The following CELSR1 variants were observed in gnomAD, a reference collection of about 807,000 sequenced individuals.
CELSR1 encodes the protein adhesion G protein-coupled receptor C1.
A neutral mutation model predicts 249.1 loss-of-function variants in CELSR1; 110 were observed. The observed-to-expected ratio is 0.44, with a 90% CI of 0.38 to 0.52. The LOEUF (loss-of-function observed/expected upper bound fraction) is 0.52, where lower values mean the gene tolerates loss of function less well. Among genes scored for constraint, CELSR1 ranks in the 20% least tolerant of loss-of-function variants. The probability of loss-of-function intolerance (pLI) is 0.00; values close to 1 mark genes in which losing one functional copy is unlikely to be tolerated. For missense variants in CELSR1, 4,109 were observed against 4,296.4 expected, an observed-to-expected ratio of 0.96 and a Z score of 1.22; for synonymous variants, 2,113 against 1,900.0, an observed-to-expected ratio of 1.11 and a Z score of -2.92.
At position 46,380,734 on chromosome 22, in the gene CELSR1, G is replaced by A; in HGVS notation, c.7256+54C>T. Reference sequence around the variant, plus strand: ...CTGCCACTGAGCCCCCGACCCTGCGGGGGCACTCTGCCTTGGCAAAGCCCT... The same window carrying A: ...CTGCCACTGAGCCCCCGACCCTGCGAGGGCACTCTGCCTTGGCAAAGCCCT... On this transcript the variant is annotated intron_variant, in intron 22 of 34. Coordinates refer to ENST00000674500, the MANE Select transcript of CELSR1 (RefSeq NM_001378328.1). The surrounding 1 kb of genome is among the most constrained non-coding windows in gnomAD (Gnocchi z 5.1). 6.3e-7 allele frequency: 1 copy of A among 1,590,050 alleles called. No individual in the cohort carries two copies. Among genetic ancestry groups the A allele is most frequent in the Non-Finnish European group, 8.6e-7 (1 of 1,166,888 alleles).
intron 9 of CELSR1, among the ~76,000 whole-genome samples, chr22:46,405,459 C>CAAAA (rs869105580): frequency 2.4e-5 from 2 of 84,842 alleles, no homozygotes; most frequent in Non-Finnish European, 5.5e-5. Context: ...GACTCCGTCT[C>CAAAA]AAAAAAAAAA....
At chr22:46,496,248 A>C (rs541799203) in intron 1 of CELSR1, among the ~76,000 whole-genome samples, 1 of 151,368 alleles carries the variant, frequency 6.6e-6, no homozygotes, top group African/African-American at 2.4e-5. Flanking sequence ...ACTTAGCTTA[A>C]AACACACATT....
chr22:46,435,873 G>A (rs1243719145), intron 4 of CELSR1, among the ~76,000 whole-genome samples: 1 of 151,796 alleles, frequency 6.6e-6, no homozygotes, highest in African/African-American at 2.4e-5. Flanking sequence ...GCTAATTTTT[G>A]TACTTTTAGT....
intron 5 of CELSR1, among the ~76,000 whole-genome samples, chr22:46,418,290 G>A (rs966806232): frequency 6.6e-6 from 1 of 152,140 alleles, no homozygotes; most frequent in African/African-American, 2.4e-5. Flanking sequence ...CGACCAGCCT[G>A]GCCAACAAGG....
chr22:46,494,031 A>G (rs771832987), intron 1 of CELSR1, among the ~76,000 whole-genome samples: 11 of 152,194 alleles, frequency 7.2e-5, no homozygotes, highest in Non-Finnish European at 1.2e-4. Flanking sequence ...TAAGAATGAA[A>G]CAGATTCAGA....
chr22:46,524,950 C>G (rs570263698), intron 1 of CELSR1, among the ~76,000 whole-genome samples: 1 of 152,236 alleles, frequency 6.6e-6, no homozygotes, highest in East Asian at 1.9e-4. Context: ...CTCACCCCTC[C>G]GAGGGTCCCC....
At chr22:46,432,215 G>A (rs192712796) in intron 5 of CELSR1, among the ~76,000 whole-genome samples, 431 of 152,342 alleles carry the variant, frequency 2.8e-3, no homozygotes, top group African/African-American at 0.01. Flanking sequence ...CAGGGAGGTG[G>A]AGGGACGCCG....
At position 46,380,886 on chromosome 22, in the gene CELSR1, G is replaced by A; in HGVS notation, c.7158C>T (p.Leu2386=). Residue 2386 remains leucine, a synonymous_variant, in exon 22 of 35, where the codon CTC becomes CTT. Coordinates refer to ENST00000674500, the MANE Select transcript of CELSR1 (RefSeq NM_001378328.1). This position sits in a 1 kb window ranked among gnomAD's most constrained non-coding sequence, Gnocchi z 5.1. ...STLVYSEGAP[L]PRPLERPVLV... is the part of the protein sequence containing the mutation. ...GGACGGGCCTCTCCAGGGGTCTCGG[G>A]AGCGGAGCCCCCTCGCTGTACACCA... The A allele has an allele frequency of 1.2e-6, 2 of 1,613,370 alleles. No homozygotes were observed. Among genetic ancestry groups the A allele is most frequent in the East Asian group, 2.2e-5 (1 of 44,884 alleles).
chr22:46,528,065 T>G (rs978577796), intron 1 of CELSR1, among the ~76,000 whole-genome samples: 2 of 142,912 alleles, frequency 1.4e-5, no homozygotes, highest in African/African-American at 2.7e-5. Context: ...ATCATGCCAT[T>G]GCACTCCAGC....
Position 46,369,749 on chromosome 22 carries a change from C to A in CELSR1, c.7815G>T (p.Leu2605=), listed in dbSNP as rs933511978. Residue 2605 remains leucine, a synonymous_variant, in exon 26 of 35, where the codon CTG becomes CTT. Coordinates refer to ENST00000674500, the MANE Select transcript of CELSR1 (RefSeq NM_001378328.1). ...TCCAAATCAGGGTGTCTTGAAGCGA[C>A]AGCCAGCAGAAGTCGGGGTTCCCGT... ...QGYGNPDFCW[L]SLQDTLIWSF... 6.2e-7 allele frequency: 1 copy of A among 1,613,298 alleles called. No individual in the cohort carries two copies. Among genetic ancestry groups the A allele is most frequent in the Non-Finnish European group, 8.5e-7 (1 of 1,179,994 alleles).
chr22:46,369,529 A>T (rs2078827104), intron 26 of CELSR1, among the ~76,000 whole-genome samples, 163 bp downstream of exon 26: 1 of 152,206 alleles, frequency 6.6e-6, no homozygotes. Context: ...TCAGAGGGTG[A>T]GGTCCGGGAG....
intron 2 of CELSR1, among the ~76,000 whole-genome samples, chr22:46,456,656 CTG>C (rs2079955654): frequency 2.0e-5 from 2 of 98,276 alleles, no homozygotes; most frequent in Admixed American, 1.3e-4. Flanking sequence ...GAGCGAGACT[CTG>C]TCTAAAAAAA....
chr22:46,388,507 G>T (rs79752239), intron 18 of CELSR1, among the ~76,000 whole-genome samples: 2 of 151,582 alleles, frequency 1.3e-5, no homozygotes, highest in East Asian at 3.9e-4. Context: ...AGACTAGAAG[G>T]TTCCATGGGG....
At chr22:46,389,602 T>A in intron 17 of CELSR1, 103 bp from the exon 18 acceptor site, 1 of 1,252,150 alleles carries the variant, frequency 8.0e-7, no homozygotes, top group Non-Finnish European at 1.1e-6. Context: ...AGTTTCCTTG[T>A]CAGAAAGGAA....
At chr22:46,487,930 G>A (rs909240213) in intron 1 of CELSR1, among the ~76,000 whole-genome samples, 3 of 133,352 alleles carry the variant, frequency 2.2e-5, no homozygotes, top group African/African-American at 8.7e-5. Context: ...ATGAGGGTGT[G>A]GGGGAGGGGT....
chr22:46,470,691 C>T (rs188239007), intron 1 of CELSR1, among the ~76,000 whole-genome samples: 282 of 152,218 alleles, frequency 1.9e-3, no homozygotes, highest in Non-Finnish European at 2.7e-3. Flanking sequence ...CCTTCAGATA[C>T]ACACATCTAA....
chr22:46,378,593 C>G lies in CELSR1; in HGVS notation c.7381G>C (p.Glu2461Gln). The part of the protein sequence containing the change: ...FAVLMDISRR[E>Q]NGEVLPLKIV... ...AGTGGCCACGGGAGGATGCCCACCTCACGCCTGGAGATATCCATGAGCACC... is the reference window on the plus strand; with the variant it reads ...AGTGGCCACGGGAGGATGCCCACCTGACGCCTGGAGATATCCATGAGCACC... Residue 2461 changes from glutamate to glutamine, a missense_variant and splice_region_variant, in exon 23 of 35, where the codon GAG (glutamate) becomes CAG (glutamine). This residue lies in a region of CELSR1 where 1,805 missense variants were observed against 1,831.6 expected (regional missense o/e 0.99). Coordinates refer to ENST00000674500, the MANE Select transcript of CELSR1 (RefSeq NM_001378328.1). The G allele has an allele frequency of 6.4e-7, 1 of 1,566,374 alleles. No homozygotes were observed. Among genetic ancestry groups the G allele is most frequent in the Non-Finnish European group, 8.7e-7 (1 of 1,155,678 alleles).
intron 5 of CELSR1, among the ~76,000 whole-genome samples, chr22:46,431,835 CCTCTTG>C (rs1446141315): frequency 6.6e-6 from 1 of 152,228 alleles, no homozygotes; most frequent in African/African-American, 2.4e-5. Flanking sequence ...CTACCCTCTT[CCTCTTG>C]CTCAGCCCTG....
At position 46,433,781 on chromosome 22, in the gene CELSR1, T is replaced by C. The variant is rs113954490; in HGVS notation, c.4523-300A>G. On this transcript the variant is annotated intron_variant, in intron 4 of 34. Transcript: ENST00000674500. The surrounding 1 kb of genome is among the most constrained non-coding windows in gnomAD (Gnocchi z 5.7). ...CTCACTGCCACCTCCGCCTCCTGGG[T>C]TCAAGAGATTCTCCTGCCTCAGCCT... is the stretch of plus-strand genomic sequence containing the variant. 5.1e-4 allele frequency among the ~76,000 whole-genome samples: 78 copies of C among 152,108 alleles called. No homozygotes were observed. The highest frequency in any genetic ancestry group is 1.8e-3 in the African/African-American group (74 of 41,482).
Sources: gnomAD v4.1 joint callset for allele counts (sites outside exome capture counted in the v4.1 genomes callset) on GRCh38, gnomAD v4.1.1 for gene constraint, gnomAD v4.1.1 regional missense constraint, Gnocchi (gnomAD v3.1) non-coding constraint, MANE v1.5 for transcripts, NCBI Gene and HGNC (gene_info 2026-07-23, HGNC 2026-07-21) for gene names.